FAM13C: variants seen among roughly 807,000 people sequenced by gnomAD.
FAM13C encodes the protein protein FAM13C.
A neutral mutation model predicts 73.2 loss-of-function variants in FAM13C; 37 were observed. The ratio of observed to expected loss-of-function variants is 0.51; its 90% confidence interval spans 0.39 to 0.67. The LOEUF (loss-of-function observed/expected upper bound fraction) is 0.67, where lower values mean the gene tolerates loss of function less well. FAM13C is among the 30% of genes least tolerant of loss of function. The pLI, the probability that FAM13C is intolerant of heterozygous loss-of-function variation, is 0.00. For synonymous variants in FAM13C, 246 were observed against 260.9 expected (o/e 0.94, Z 0.55); for missense variants, 589 against 715.6 (o/e 0.82, Z 2.02).
intron 3 of FAM13C, among the ~76,000 whole-genome samples, chr10:59,328,450 C>T (rs1475570896): frequency 6.6e-6 from 1 of 152,170 alleles, no homozygotes; most frequent in Non-Finnish European, 1.5e-5. Context: ...CAGGCCCTTC[C>T]AAGTTCCTTT....
intron 4 of FAM13C, among the ~76,000 whole-genome samples, chr10:59,323,724 C>T (rs1850675545): frequency 6.6e-6 from 1 of 152,182 alleles, no homozygotes; most frequent in Admixed American, 6.5e-5. Flanking sequence ...GCATTCCTCT[C>T]CAAGGGCAGG....
chr10:59,325,334 C>G (rs890158289), intron 3 of FAM13C, among the ~76,000 whole-genome samples: 4 of 152,148 alleles, frequency 2.6e-5, no homozygotes, highest in African/African-American at 9.7e-5. Flanking sequence ...TCACAAGCCT[C>G]TACAACAAAA....
chr10:59,361,605 CATAT>C (rs113659300), intron 1 of FAM13C, among the ~76,000 whole-genome samples: 7 of 151,278 alleles, frequency 4.6e-5, no homozygotes, highest in African/African-American at 1.5e-4. Context: ...AGTACATATT[CATAT>C]ATATATATGT....
intron 5 of FAM13C, among the ~76,000 whole-genome samples, chr10:59,295,824 AGATG>A (rs1316156288): frequency 6.6e-6 from 1 of 152,224 alleles, no homozygotes; most frequent in Non-Finnish European, 1.5e-5. Context: ...AGATAGAAAT[AGATG>A]GCATCTCCAG....
intron 6 of FAM13C, among the ~76,000 whole-genome samples, chr10:59,272,749 G>C (rs1458404166): frequency 6.6e-6 from 1 of 152,118 alleles, no homozygotes; most frequent in Non-Finnish European, 1.5e-5. Context: ...TCACAGGACT[G>C]TGATAAGAAA....
chr10:59,355,130 A>G (rs1320911089), intron 2 of FAM13C, among the ~76,000 whole-genome samples: 1 of 152,166 alleles, frequency 6.6e-6, no homozygotes, highest in African/African-American at 2.4e-5. Flanking sequence ...ATTTACCTCT[A>G]GTATAGTAGC....
Position 59,284,516 on chromosome 10 carries a change from TC to T in FAM13C, c.508-1070del, listed in dbSNP as rs1339109979. On this transcript the variant is annotated intron_variant, in intron 5 of 13. Transcript: ENST00000618804. ...CACACCCTACCCTCTGCATATCCTT[TC>T]CCCCACACAGTGTCACTCCCACTCC... Among the ~76,000 whole-genome samples, 3 of 147,976 alleles carry T rather than the reference TC, an allele frequency of 2.0e-5. No homozygotes were observed. In the East Asian group the frequency reaches 6.1e-4, roughly 30 times the overall value.
chr10:59,247,902 G>A lies in FAM13C; in HGVS notation c.1635-165C>T, dbSNP rs1336121130. 3 of 610,034 alleles carry A rather than the reference G, an allele frequency of 4.9e-6. No individual in the cohort carries two copies. The Admixed American group carries it at 1.0e-4, about 21-fold the overall frequency. 37.8% of individuals were successfully genotyped at this position (610,034 alleles called of 1,614,324 possible). Reference sequence around the variant, plus strand: ...CACCTTCATTCACTCCTTCTTCCATGTGTTACTAAGTTTCTAAATAATAGT... The same window carrying A: ...CACCTTCATTCACTCCTTCTTCCATATGTTACTAAGTTTCTAAATAATAGT... On this transcript the variant is annotated intron_variant, in intron 13 of 13. Transcript: ENST00000618804.
Position 59,310,683 on chromosome 10 carries a change from T to C in FAM13C, c.444-7819A>G, listed in dbSNP as rs1219352086. On this transcript the variant is annotated intron_variant, in intron 4 of 13. Transcript: ENST00000618804. Reference sequence around the variant, plus strand: ...TGACTTCCCAACCCATGTATCCACTTGTCCAGGCCAATGAACTCCCAAGGA... The same window carrying C: ...TGACTTCCCAACCCATGTATCCACTCGTCCAGGCCAATGAACTCCCAAGGA... 3.9e-5 allele frequency among the ~76,000 whole-genome samples: 6 copies of C among 152,116 alleles called. 1 individual carries two copies. In the East Asian group the frequency reaches 1.2e-3, roughly 29 times the overall value.
At chr10:59,305,536 C>G (rs1027549085) in intron 4 of FAM13C, among the ~76,000 whole-genome samples, 1 of 152,184 alleles carries the variant, frequency 6.6e-6, no homozygotes, top group Non-Finnish European at 1.5e-5. Context: ...TATATGTCCT[C>G]TAAATGGGCA....
intron 3 of FAM13C, among the ~76,000 whole-genome samples, chr10:59,341,478 G>A (rs1209545103): frequency 2.6e-5 from 4 of 151,982 alleles, no homozygotes; most frequent in African/African-American, 9.7e-5. Flanking sequence ...ACCTGAGGTC[G>A]GGAGCTCAAG....
At chr10:59,318,355 G>T (rs1849786531) in intron 4 of FAM13C, among the ~76,000 whole-genome samples, 1 of 151,974 alleles carries the variant, frequency 6.6e-6, no homozygotes, top group Non-Finnish European at 1.5e-5. Flanking sequence ...TCACGGACTG[G>T]GTGTGGGATT....
chr10:59,257,186 T>C (rs1842030981), intron 10 of FAM13C, among the ~76,000 whole-genome samples: 2 of 152,168 alleles, frequency 1.3e-5, no homozygotes, highest in Non-Finnish European at 2.9e-5. Context: ...GGACCATATA[T>C]AGGACACAAT....
intron 5 of FAM13C, among the ~76,000 whole-genome samples, chr10:59,287,156 G>A (rs1845679224): frequency 6.6e-6 from 1 of 151,344 alleles, no homozygotes; most frequent in African/African-American, 2.4e-5. Context: ...GACCAATATG[G>A]TGAAATCCTG....
At chr10:59,352,818 A>G (rs74945084) in intron 2 of FAM13C, among the ~76,000 whole-genome samples, 2,148 of 152,312 alleles carry the variant, frequency 0.014, 52 homozygotes, top group African/African-American at 0.049. Flanking sequence ...TTCAGGTGAG[A>G]TATCATCATC....
At chr10:59,279,865 A>C (rs946394048) in intron 6 of FAM13C, among the ~76,000 whole-genome samples, 2 of 152,198 alleles carry the variant, frequency 1.3e-5, no homozygotes, top group Non-Finnish European at 2.9e-5. Context: ...ACAGAAATTT[A>C]TCTCTCACAG....
chr10:59,262,440 A>T lies in FAM13C; in HGVS notation c.1230T>A (p.Asp410Glu). The T allele has an allele frequency of 6.2e-7, 1 of 1,613,012 alleles. No individual in the cohort carries two copies. Among genetic ancestry groups the T allele is most frequent in the South Asian group, 1.1e-5 (1 of 91,072 alleles). ...ERREQLPPQEDSKVTKQDKNL... is the reference protein window; with the variant it reads ...ERREQLPPQEESKVTKQDKNL... ...ACAAGACATGGTGATGTACCTTAGA[A>T]TCCTCCTGGGGAGGAAGTTGCTCTC... The change falls in exon 10 of 14, where the codon GAT (aspartate) becomes GAA (glutamate). Residue 410 changes from aspartate to glutamate, a missense_variant. Physicochemically the swap from Asp to Glu is conservative, Grantham distance 45 (BLOSUM62 2). Transcript: ENST00000618804.
chr10:59,343,841 G>A (rs1330969510), intron 3 of FAM13C, among the ~76,000 whole-genome samples: 1 of 152,020 alleles, frequency 6.6e-6, no homozygotes, highest in Non-Finnish European at 1.5e-5. Context: ...TGGGTTATTT[G>A]TTATTGCAGC....
intron 13 of FAM13C, among the ~76,000 whole-genome samples, chr10:59,249,248 T>C (rs930969620): frequency 7.9e-5 from 12 of 151,488 alleles, no homozygotes; most frequent in Non-Finnish European, 1.8e-4. Context: ...ACTAAAAATA[T>C]AAAAACTTAG....
Sources: allele counts gnomAD v4.1 joint callset (sites outside exome capture counted in the v4.1 genomes callset), GRCh38; gene constraint gnomAD v4.1.1; transcripts MANE v1.5; gene names NCBI Gene and HGNC (gene_info 2026-07-23, HGNC 2026-07-21).